The following MSRA variants were observed in gnomAD, a reference collection of about 807,000 sequenced individuals.
MSRA encodes the protein mitochondrial peptide methionine sulfoxide reductase.
Under a neutral mutation model 31.3 loss-of-function variants are expected in MSRA, and 54 were observed. The ratio of observed to expected loss-of-function variants is 1.73; its 90% CI spans 1.39 to 2.17. The LOEUF is 2.17. Among genes scored for constraint, MSRA ranks in the 30% most tolerant of loss-of-function variants. The probability of loss-of-function intolerance (pLI) is 0.00; values close to 1 mark genes in which losing one functional copy is unlikely to be tolerated. For synonymous variants in MSRA, 169 were observed against 116.5 expected (o/e 1.45, Z -2.90); for missense variants, 507 against 300.9 (o/e 1.69, Z -5.07).
chr8:10,351,665 T>A (rs1246539942), intron 5 of MSRA, among the ~76,000 whole-genome samples: 1 of 152,226 alleles, frequency 6.6e-6, no homozygotes. Flanking sequence ...TTAAACTACT[T>A]CCTCATTTAG....
chr8:10,225,520 T>C (rs1315576418), intron 2 of MSRA, among the ~76,000 whole-genome samples: 3 of 152,202 alleles, frequency 2.0e-5, no homozygotes, highest in Non-Finnish European at 2.9e-5. Context: ...AAAAATTCTT[T>C]TTATTCATAA....
At chr8:10,174,901 C>G (rs1032617543) in intron 1 of MSRA, among the ~76,000 whole-genome samples, 6 of 152,188 alleles carry the variant, frequency 3.9e-5, no homozygotes, top group Non-Finnish European at 5.9e-5. Context: ...TAGATCTCAT[C>G]TCCCCAGACA....
intron 1 of MSRA, among the ~76,000 whole-genome samples, chr8:10,206,759 C>T (rs1809019309): frequency 6.6e-6 from 1 of 152,218 alleles, no homozygotes; most frequent in Non-Finnish European, 1.5e-5. Context: ...GCTACAATTA[C>T]CTGCACTCCT....
At chr8:10,072,573 T>A (rs966243686) in intron 1 of MSRA, among the ~76,000 whole-genome samples, 2 of 152,198 alleles carry the variant, frequency 1.3e-5, no homozygotes, top group Non-Finnish European at 2.9e-5. Context: ...CAAGATTGTT[T>A]TAGCTGTTCT....
chr8:10,128,358 G>A (rs1432050565), intron 1 of MSRA, among the ~76,000 whole-genome samples: 2 of 151,010 alleles, frequency 1.3e-5, no homozygotes, highest in African/African-American at 2.4e-5. Flanking sequence ...CAGCCTGGGC[G>A]ACAAAAGCAA....
At chr8:10,156,274 G>T (rs770618942) in intron 1 of MSRA, among the ~76,000 whole-genome samples, 14 of 152,220 alleles carry the variant, frequency 9.2e-5, no homozygotes, top group Non-Finnish European at 1.5e-5. Flanking sequence ...AGTGTGGACT[G>T]TATGTTGGAT....
chr8:10,284,559 C>T (rs546377770), intron 3 of MSRA, among the ~76,000 whole-genome samples: 24 of 152,288 alleles, frequency 1.6e-4, no homozygotes, highest in African/African-American at 4.1e-4. Flanking sequence ...AATAAATGTA[C>T]GTTATTGTGC....
intron 3 of MSRA, among the ~76,000 whole-genome samples, chr8:10,257,797 A>C (rs1798261174): frequency 2.0e-5 from 3 of 152,190 alleles, no homozygotes; most frequent in Admixed American, 2.0e-4. Context: ...GCCTTGGTTC[A>C]AGAATTCACT....
chr8:10,329,048 A>G (rs897055217), intron 5 of MSRA, among the ~76,000 whole-genome samples: 3 of 152,230 alleles, frequency 2.0e-5, no homozygotes, highest in Non-Finnish European at 2.9e-5. Flanking sequence ...AGTTGCTATT[A>G]TGATCGTACA....
intron 3 of MSRA, among the ~76,000 whole-genome samples, chr8:10,248,763 C>T (rs189600677): frequency 6.6e-6 from 1 of 152,160 alleles, no homozygotes; most frequent in Non-Finnish European, 1.5e-5. Context: ...ATCGTGGGCT[C>T]ACTAATGGGG....
At chr8:10,294,062 G>T (rs1197596019) in intron 3 of MSRA, among the ~76,000 whole-genome samples, 1 of 152,120 alleles carries the variant, frequency 6.6e-6, no homozygotes, top group African/African-American at 2.4e-5. Context: ...AAACCACCCA[G>T]GCATGGTGGC....
chr8:10,371,973 C>G (rs577845586), intron 5 of MSRA, among the ~76,000 whole-genome samples: 6 of 151,820 alleles, frequency 4.0e-5, no homozygotes, highest in Non-Finnish European at 8.8e-5. Flanking sequence ...GTCTTATCAT[C>G]CTACACATGA....
intron 5 of MSRA, among the ~76,000 whole-genome samples, chr8:10,410,118 C>T (rs1042836174): frequency 1.3e-5 from 2 of 152,240 alleles, no homozygotes; most frequent in Admixed American, 6.5e-5. Flanking sequence ...ATCCTCCGAG[C>T]CTGGGTCCAG....
rs1163624060 is a variant in MSRA at position 10,096,007 on chromosome 8, C to T, written c.142+41349C>T. The T allele has an allele frequency of 1.0e-5, 15 of 1,442,794 alleles. No homozygotes were observed. In the Admixed American group the frequency reaches 4.1e-4, roughly 39 times the overall value. 89.4% of individuals were successfully genotyped at this position (1,442,794 alleles called of 1,614,324 possible). On this transcript the variant is annotated intron_variant, in intron 1 of 5. Coordinates refer to ENST00000317173, the MANE Select transcript of MSRA (RefSeq NM_012331.5). ...CATCAATACAAACCTGCTTTCAAAT[C>T]AAATCAGAAAGACATCCTTCGGAAT...
At position 10,068,405 on chromosome 8, in the gene MSRA, C is replaced by T. The variant is rs139573827; in HGVS notation, c.142+13747C>T. Among the ~76,000 whole-genome samples, 302 of 152,300 alleles carry T rather than the reference C, an allele frequency of 2.0e-3. 2 individuals are homozygous for T. Among genetic ancestry groups the T allele is most frequent in the African/African-American group, 6.9e-3 (287 of 41,560 alleles). On this transcript the variant is annotated intron_variant, in intron 1 of 5. Coordinates refer to ENST00000317173, the MANE Select transcript of MSRA (RefSeq NM_012331.5). ...AAGTTATTGCCAAACCGAAGGTCAC[C>T]TAGATTTTCTCCTGTGTTATCTTCT...
chr8:10,419,553 A>G (rs989971473), intron 5 of MSRA, among the ~76,000 whole-genome samples: 3 of 152,182 alleles, frequency 2.0e-5, no homozygotes, highest in African/African-American at 4.8e-5. Flanking sequence ...GCACCCTGCA[A>G]TCCGTCTCTG....
chr8:10,358,565 C>CTTTTTT (rs59106668), intron 5 of MSRA, among the ~76,000 whole-genome samples: 7 of 64,002 alleles, frequency 1.1e-4, no homozygotes, highest in East Asian at 1.2e-3. Flanking sequence ...GCATTAGATT[C>CTTTTTT]TTTTTTTTTT....
Position 10,252,147 on chromosome 8 carries a change from T to C in MSRA, c.331+6924T>C, listed in dbSNP as rs531000136. 4.2e-4 allele frequency among the ~76,000 whole-genome samples: 64 copies of C among 152,334 alleles called. 1 individual carries two copies. The South Asian group carries it at 0.011, about 27-fold the overall frequency. Reference sequence around the variant, plus strand: ...TGTTGGGAAACCTCCAAGACTGCTTTCTTTGTCGAGTAAGGGAACTGAGGC... The same window carrying C: ...TGTTGGGAAACCTCCAAGACTGCTTCCTTTGTCGAGTAAGGGAACTGAGGC... On this transcript the variant is annotated intron_variant, in intron 3 of 5. Transcript: ENST00000317173.
intron 4 of MSRA, among the ~76,000 whole-genome samples, chr8:10,310,189 T>C (rs919320265): frequency 1.3e-5 from 2 of 152,196 alleles, no homozygotes; most frequent in Non-Finnish European, 2.9e-5. Flanking sequence ...GGGAATGATA[T>C]TGTATTGCTA....
Sources: gnomAD v4.1 joint callset for allele counts (sites outside exome capture counted in the v4.1 genomes callset) on GRCh38, gnomAD v4.1.1 for gene constraint, MANE v1.5 for transcripts, NCBI Gene and HGNC (gene_info 2026-07-23, HGNC 2026-07-21) for gene names.